Variants in LINGO2 observed in about 807,000 individuals in gnomAD.
The protein encoded by LINGO2 is leucine-rich repeat and immunoglobulin-like domain-containing nogo receptor-interacting protein 2.
A neutral mutation model predicts 30.6 loss-of-function variants in LINGO2; 14 were observed. The ratio of observed to expected loss-of-function variants is 0.46; its 90% confidence interval spans 0.30 to 0.72. The LOEUF is 0.72. Among genes scored for constraint, LINGO2 ranks in the 30% least tolerant of loss-of-function variants. The pLI is 0.07. For synonymous variants in LINGO2, 317 were observed against 288.5 expected (o/e 1.10, Z -1.00); for missense variants, 729 against 751.7 (o/e 0.97, Z 0.35).
chr9:28,428,315 GA>G (rs1823496990), intron 2 of LINGO2, among the ~76,000 whole-genome samples: 1 of 152,082 alleles, frequency 6.6e-6, no homozygotes, highest in African/African-American at 2.4e-5. Context: ...AAGTGGTTAA[GA>G]AAATCACAAT....
intron 4 of LINGO2, among the ~76,000 whole-genome samples, chr9:28,093,396 G>T (rs570922161): frequency 6.6e-6 from 1 of 152,030 alleles, no homozygotes; most frequent in Admixed American, 6.6e-5. Flanking sequence ...GAGGCAGACC[G>T]TGACACTGCA....
At chr9:29,051,825 C>G in the LINGO2 span, among the ~76,000 whole-genome samples, 1 of 152,004 alleles carries the variant, frequency 6.6e-6, no homozygotes, top group Non-Finnish European at 1.5e-5. Flanking sequence ...TTTGTGAGCT[C>G]GATTTACTGG....
chr9:28,244,950 T>C (rs1821944984), intron 4 of LINGO2, among the ~76,000 whole-genome samples: 2 of 152,182 alleles, frequency 1.3e-5, no homozygotes, highest in African/African-American at 2.4e-5. Context: ...CCCTAACTTA[T>C]TTTATGAGGC....
chr9:28,637,280 G>T (rs554172579), intron 1 of LINGO2, among the ~76,000 whole-genome samples: 1 of 152,132 alleles, frequency 6.6e-6, no homozygotes, highest in East Asian at 1.9e-4. Context: ...TGTTCTTTTG[G>T]CTTAGGATTG....
At chr9:28,687,679 T>C in the LINGO2 span, among the ~76,000 whole-genome samples, 5 of 152,088 alleles carry the variant, frequency 3.3e-5, no homozygotes, top group Non-Finnish European at 7.4e-5. Flanking sequence ...TCTATGCACA[T>C]GGATACTTAA....
At chr9:28,069,921 G>A (rs1260605564) in intron 4 of LINGO2, among the ~76,000 whole-genome samples, 2 of 152,200 alleles carry the variant, frequency 1.3e-5, no homozygotes, top group African/African-American at 2.4e-5. Context: ...TTGCTGGTGA[G>A]TGTCGCCATT....
chr9:28,955,000 T>C, the LINGO2 span, among the ~76,000 whole-genome samples: 9 of 151,834 alleles, frequency 5.9e-5, no homozygotes, highest in East Asian at 1.7e-3. Flanking sequence ...CTGAATCAAC[T>C]GAGGGAATTG....
chr9:28,355,202 A>C (rs1417154066), intron 3 of LINGO2, among the ~76,000 whole-genome samples: 1 of 151,354 alleles, frequency 6.6e-6, no homozygotes, highest in African/African-American at 2.4e-5. Flanking sequence ...CCCAGGTTGT[A>C]TTATAAATCT....
At chr9:28,144,461 A>G (rs1192639228) in intron 4 of LINGO2, among the ~76,000 whole-genome samples, 2 of 152,222 alleles carry the variant, frequency 1.3e-5, no homozygotes, top group Non-Finnish European at 2.9e-5. Context: ...TGCTTATATA[A>G]GATTTCTTGA....
At chr9:28,027,477 A>C (rs1563923795) in intron 4 of LINGO2, among the ~76,000 whole-genome samples, 1 of 152,100 alleles carries the variant, frequency 6.6e-6, no homozygotes, top group Non-Finnish European at 1.5e-5. Context: ...ATTATTCAGC[A>C]CCTTTTATTT....
At chr9:27,944,708 A>G (rs530101383), downstream of LINGO2, among the ~76,000 whole-genome samples, 20 of 152,260 alleles carry the variant, frequency 1.3e-4, no homozygotes, top group South Asian at 2.3e-3. Flanking sequence ...TCTAACAAAC[A>G]GGGAATGTTA....
At chr9:28,084,028 CTTGGACCTTA>C (rs1229042543) in intron 4 of LINGO2, among the ~76,000 whole-genome samples, 3 of 152,100 alleles carry the variant, frequency 2.0e-5, no homozygotes, top group Non-Finnish European at 4.4e-5. Flanking sequence ...CCTAGACCTT[CTTGGACCTTA>C]GAGTACAATC....
At chr9:28,965,754 C>T in the LINGO2 span, among the ~76,000 whole-genome samples, 4 of 151,950 alleles carry the variant, frequency 2.6e-5, no homozygotes, top group Non-Finnish European at 4.4e-5. Context: ...CATTTCCAGA[C>T]AAAATGGTAG....
chr9:28,205,875 T>C (rs1447916062), intron 4 of LINGO2, among the ~76,000 whole-genome samples: 3 of 152,090 alleles, frequency 2.0e-5, no homozygotes. Flanking sequence ...ATCTCCAATC[T>C]ACTCTAGAAA....
the LINGO2 span, among the ~76,000 whole-genome samples, chr9:28,684,321 G>A: frequency 6.7e-6 from 1 of 149,278 alleles, no homozygotes; most frequent in African/African-American, 2.5e-5. Context: ...CAGAGTAGCT[G>A]GGACTACAGG....
At chr9:28,920,617 T>G in the LINGO2 span, among the ~76,000 whole-genome samples, 2 of 152,310 alleles carry the variant, frequency 1.3e-5, no homozygotes, top group South Asian at 4.1e-4. Context: ...GCTTTGGAAT[T>G]TTCTTATGTA....
At chr9:28,730,134 T>C in the LINGO2 span, among the ~76,000 whole-genome samples, 11 of 152,164 alleles carry the variant, frequency 7.2e-5, no homozygotes, top group Admixed American at 5.9e-4. Context: ...TGCCATCTAC[T>C]CTTTCACAGG....
At chr9:29,178,739 T>A in the LINGO2 span, among the ~76,000 whole-genome samples, 1 of 152,002 alleles carries the variant, frequency 6.6e-6, no homozygotes, top group Non-Finnish European at 1.5e-5. Flanking sequence ...TTCTAAAGGA[T>A]GTGTTGGAAT....
chr9:29,055,810 C>T, the LINGO2 span, among the ~76,000 whole-genome samples: 3 of 151,744 alleles, frequency 2.0e-5, no homozygotes, highest in African/African-American at 2.4e-5. Context: ...TGAGAACATG[C>T]GATGTTTGTT....
Sources: gnomAD v4.1 joint callset for allele counts (sites outside exome capture counted in the v4.1 genomes callset) on GRCh38, gnomAD v4.1.1 for gene constraint, MANE v1.5 for transcripts, NCBI Gene and HGNC (gene_info 2026-07-23, HGNC 2026-07-21) for gene names.